The following OCA2 variants were observed in gnomAD, a reference collection of about 807,000 sequenced individuals.
OCA2 encodes the protein OCA2 melanosomal transmembrane protein.
In OCA2, 77 loss-of-function variants were observed where a neutral mutation model predicts 100.2. That is an observed-to-expected ratio of 0.77 (90% CI 0.64 to 0.93). The LOEUF is 0.93. Ranked by LOEUF, OCA2 falls within the 40% of genes least tolerant of loss-of-function variation. The pLI is 0.00. For missense variants in OCA2, 1,062 were observed against 1,089.1 expected (o/e 0.98, Z 0.35); for synonymous variants, 432 against 439.2 (o/e 0.98, Z 0.21).
At chr15:27,960,936 G>C (rs1204440021) in intron 15 of OCA2, among the ~76,000 whole-genome samples, 1 of 149,252 alleles carries the variant, frequency 6.7e-6, no homozygotes, top group Non-Finnish European at 1.5e-5. Flanking sequence ...GGTAACAAAA[G>C]CCAAAATTGA....
At chr15:28,050,073 G>A (rs2043462090) in intron 2 of OCA2, among the ~76,000 whole-genome samples, 1 of 152,114 alleles carries the variant, frequency 6.6e-6, no homozygotes, top group Non-Finnish European at 1.5e-5. Context: ...GAAGCCAGGA[G>A]TTTGAGACCA....
At chr15:28,078,028 G>A (rs992940250) in intron 2 of OCA2, among the ~76,000 whole-genome samples, 10 of 152,186 alleles carry the variant, frequency 6.6e-5, no homozygotes, top group Non-Finnish European at 8.8e-5. Context: ...GCAGTGAGCC[G>A]AGATTGCACC....
intron 18 of OCA2, among the ~76,000 whole-genome samples, chr15:27,942,990 C>A (rs2039703858): frequency 6.6e-6 from 1 of 152,128 alleles, no homozygotes; most frequent in African/African-American, 2.4e-5. Context: ...TTAACACAAA[C>A]TGTATGTAAT....
intron 19 of OCA2, among the ~76,000 whole-genome samples, chr15:27,888,656 CT>C (rs1003319553): frequency 1.1e-4 from 16 of 152,060 alleles, no homozygotes; most frequent in South Asian, 4.2e-4. Flanking sequence ...AACAGAATTT[CT>C]TTTTTTTAAT....
chr15:27,880,303 TC>T (rs2151540281), intron 19 of OCA2, among the ~76,000 whole-genome samples: 1 of 152,350 alleles, frequency 6.6e-6, no homozygotes, highest in East Asian at 1.9e-4. Flanking sequence ...CCAGCTTTGT[TC>T]TTTTTGCTTA....
At chr15:27,815,479 AG>A (rs138219048) in intron 23 of OCA2, among the ~76,000 whole-genome samples, 23 of 152,334 alleles carry the variant, frequency 1.5e-4, no homozygotes, top group African/African-American at 5.3e-4. Context: ...TTTAGAGAAT[AG>A]GCGTCTGTAT....
chr15:27,953,984 C>T (rs1357863659), intron 17 of OCA2, among the ~76,000 whole-genome samples: 3 of 152,042 alleles, frequency 2.0e-5, no homozygotes, highest in Non-Finnish European at 4.4e-5. Context: ...AGGTTGGCTC[C>T]CACTTATAAG....
At chr15:27,931,368 C>T (rs1328493687) in intron 18 of OCA2, among the ~76,000 whole-genome samples, 1 of 151,756 alleles carries the variant, frequency 6.6e-6, no homozygotes, top group East Asian at 1.9e-4. Flanking sequence ...GAGTTTTGCT[C>T]TTGTCGCCCA....
chr15:27,804,457 A>C (rs1333155543), intron 23 of OCA2, among the ~76,000 whole-genome samples: 1 of 152,208 alleles, frequency 6.6e-6, no homozygotes, highest in Non-Finnish European at 1.5e-5. Flanking sequence ...GTGAAGTAGA[A>C]AGACAGAATG....
In OCA2 at chr15:28,043,008, C is replaced by T. The variant is rs1460385912; in HGVS notation, c.228-10845G>A. ...ATTAATATTTTTAAGAGAATGTCTA[C>T]AAACTGTTTTTAAAATGCTTCCAGA... On this transcript the variant is annotated intron_variant, in intron 2 of 23. Transcript: ENST00000354638. The surrounding 1 kb of genome is among the most constrained non-coding windows in gnomAD (Gnocchi z 4.4). Among the ~76,000 whole-genome samples, 2 of 152,152 alleles carry T rather than the reference C, an allele frequency of 1.3e-5. No homozygotes were observed. Among genetic ancestry groups the T allele is most frequent in the African/African-American group, 2.4e-5 (1 of 41,444 alleles).
At chr15:27,952,897 G>A (rs1333200418) in intron 17 of OCA2, among the ~76,000 whole-genome samples, 3 of 152,040 alleles carry the variant, frequency 2.0e-5, no homozygotes, top group East Asian at 1.9e-4. Context: ...TGCCCAGGCT[G>A]GTGTTGAACT....
At chr15:27,762,856 A>T (rs1234006910) in intron 23 of OCA2, among the ~76,000 whole-genome samples, 1 of 152,238 alleles carries the variant, frequency 6.6e-6, no homozygotes, top group Non-Finnish European at 1.5e-5. Flanking sequence ...TAACACATGT[A>T]CCTGTTATTA....
chr15:27,982,689 A>G (rs74005135), intron 14 of OCA2, among the ~76,000 whole-genome samples: 5,976 of 152,276 alleles, frequency 0.039, 408 homozygotes, highest in African/African-American at 0.14. Flanking sequence ...CAAACACATC[A>G]TCTACAAGAA....
intron 23 of OCA2, among the ~76,000 whole-genome samples, chr15:27,755,959 G>A (rs746693278): frequency 1.3e-5 from 2 of 152,238 alleles, no homozygotes; most frequent in Non-Finnish European, 2.9e-5. Context: ...TCTAAGGAAA[G>A]GCAAAGGGAA....
chr15:28,005,461 T>C (rs951274388), intron 9 of OCA2, among the ~76,000 whole-genome samples: 1 of 152,170 alleles, frequency 6.6e-6, no homozygotes, highest in African/African-American at 2.4e-5. Flanking sequence ...CGCTACATCC[T>C]ACATCGAGGC....
chr15:28,056,841 C>G (rs552581855), intron 2 of OCA2, among the ~76,000 whole-genome samples: 14 of 152,364 alleles, frequency 9.2e-5, no homozygotes, highest in African/African-American at 3.4e-4. Context: ...GTGAGTACCA[C>G]GATGCTGAGT....
At chr15:27,851,147 G>A (rs59865942) in intron 22 of OCA2, among the ~76,000 whole-genome samples, 5,075 of 152,260 alleles carry the variant, frequency 0.033, 274 homozygotes, top group African/African-American at 0.11. Flanking sequence ...TGAAGCATCA[G>A]AACCAGTCAT....
At chr15:27,744,401 G>A in the OCA2 span, among the ~76,000 whole-genome samples, 6 of 152,192 alleles carry the variant, frequency 3.9e-5, no homozygotes, top group Admixed American at 2.6e-4. Context: ...TGGGGGAACC[G>A]TGGGCACGAG....
intron 13 of OCA2, among the ~76,000 whole-genome samples, chr15:27,984,556 G>A (rs1180424322): frequency 6.6e-6 from 1 of 151,852 alleles, no homozygotes; most frequent in Non-Finnish European, 1.5e-5. Context: ...GCCATTTTTT[G>A]TTTGTTTGTT....
Sources: gnomAD v4.1 joint callset for allele counts (sites outside exome capture counted in the v4.1 genomes callset) on GRCh38, gnomAD v4.1.1 for gene constraint, Gnocchi (gnomAD v3.1) non-coding constraint, MANE v1.5 for transcripts, NCBI Gene and HGNC (gene_info 2026-07-23, HGNC 2026-07-21) for gene names.